NKAIN2: variants seen among roughly 807,000 people sequenced by gnomAD.
The protein encoded by NKAIN2 is sodium/potassium transporting ATPase interacting 2.
Under a neutral mutation model 32.6 loss-of-function variants are expected in NKAIN2, and 14 were observed. That is an observed-to-expected ratio of 0.43 (90% CI 0.28 to 0.67). NKAIN2 has a LOEUF of 0.67. Ranked by LOEUF, NKAIN2 falls within the 30% of genes least tolerant of loss-of-function variation. The pLI is 0.17. For synonymous variants in NKAIN2, 80 were observed against 87.2 expected (o/e 0.92, Z 0.46); for missense variants, 198 against 258.3 (o/e 0.77, Z 1.60).
intron 4 of NKAIN2, among the ~76,000 whole-genome samples, chr6:124,740,481 G>A (rs1297263395): frequency 1.9e-5 from 2 of 106,136 alleles, no homozygotes; most frequent in African/African-American, 6.8e-5. Flanking sequence ...TGTGGTGATA[G>A]GTGCTATGAA....
At chr6:124,672,011 A>G (rs115893962) in intron 4 of NKAIN2, among the ~76,000 whole-genome samples, 1 of 151,956 alleles carries the variant, frequency 6.6e-6, no homozygotes, top group African/African-American at 2.4e-5. Context: ...AGCCCATTTT[A>G]AAAAACAAAA....
At chr6:124,472,911 C>T (rs2114676998) in intron 3 of NKAIN2, among the ~76,000 whole-genome samples, 1 of 151,838 alleles carries the variant, frequency 6.6e-6, no homozygotes, top group Middle Eastern at 3.4e-3. Flanking sequence ...AAATAAAATG[C>T]ATTGAGGTGG....
chr6:124,365,179 C>G (rs1034111732), intron 3 of NKAIN2, among the ~76,000 whole-genome samples: 1 of 151,616 alleles, frequency 6.6e-6, no homozygotes, highest in Non-Finnish European at 1.5e-5. Flanking sequence ...GTGCTATAAT[C>G]TTAAATATAT....
At chr6:123,885,616 A>G (rs1412844444) in intron 1 of NKAIN2, among the ~76,000 whole-genome samples, 1 of 152,056 alleles carries the variant, frequency 6.6e-6, no homozygotes, top group Non-Finnish European at 1.5e-5. Context: ...ATTACCCTAA[A>G]TTTTAAATTT....
intron 3 of NKAIN2, among the ~76,000 whole-genome samples, chr6:124,446,258 A>G (rs776604796): frequency 6.6e-6 from 1 of 152,190 alleles, no homozygotes; most frequent in East Asian, 1.9e-4. Context: ...ATGCTAGTTT[A>G]GGAATTTAGA....
At chr6:124,595,233 G>A (rs1782041407) in intron 3 of NKAIN2, among the ~76,000 whole-genome samples, 2 of 152,160 alleles carry the variant, frequency 1.3e-5, no homozygotes, top group Non-Finnish European at 2.9e-5. Flanking sequence ...TTGCTCAGAT[G>A]TCTTGCCTAG....
At position 124,268,425 on chromosome 6, in the gene NKAIN2, C is replaced by A. The variant is rs1414094414; in HGVS notation, c.55-14580C>A. ...ATAGTAGTATCAGTTGCTTCAGAGA[C>A]AATGTCTTAACTTTTTGCCATTGCC... is the stretch of plus-strand genomic sequence containing the variant. On this transcript the variant is annotated intron_variant, in intron 1 of 6. Coordinates refer to ENST00000368417, the MANE Select transcript of NKAIN2 (RefSeq NM_001040214.3). Among the ~76,000 whole-genome samples the A allele has an allele frequency of 2.6e-5, 4 of 152,162 alleles. No individual in the cohort carries two copies. The East Asian group carries it at 5.8e-4, about 22-fold the overall frequency.
At chr6:124,269,736 G>A (rs560568677) in intron 1 of NKAIN2, among the ~76,000 whole-genome samples, 2 of 151,878 alleles carry the variant, frequency 1.3e-5, no homozygotes, top group Non-Finnish European at 2.9e-5. Flanking sequence ...CCAAAGTGCT[G>A]GAATTACAGG....
chr6:124,310,814 A>T (rs1207358802), intron 2 of NKAIN2, among the ~76,000 whole-genome samples: 2 of 152,148 alleles, frequency 1.3e-5, no homozygotes, highest in Non-Finnish European at 2.9e-5. Flanking sequence ...CCTGAAAGCT[A>T]GAAGTGATAC....
intron 1 of NKAIN2, among the ~76,000 whole-genome samples, chr6:123,913,480 T>C (rs1490510919): frequency 6.6e-6 from 1 of 152,176 alleles, no homozygotes; most frequent in Non-Finnish European, 1.5e-5. Flanking sequence ...CAAAGTGCTT[T>C]ATAGTATTTA....
chr6:124,444,225 A>C (rs1010316186), intron 3 of NKAIN2, among the ~76,000 whole-genome samples: 5 of 152,090 alleles, frequency 3.3e-5, no homozygotes, highest in Non-Finnish European at 7.4e-5. Context: ...TTTGGATTAG[A>C]AAATTGATAG....
chr6:124,429,357 T>C (rs1331492581), intron 3 of NKAIN2, among the ~76,000 whole-genome samples: 1 of 152,168 alleles, frequency 6.6e-6, no homozygotes, highest in East Asian at 1.9e-4. Context: ...CCATATTTTT[T>C]CTTTTTGAAT....
intron 3 of NKAIN2, among the ~76,000 whole-genome samples, chr6:124,494,645 C>T (rs1044824387): frequency 3.9e-5 from 6 of 152,028 alleles, no homozygotes; most frequent in Non-Finnish European, 8.8e-5. Context: ...GGTCAAAATA[C>T]AATGAAGAGA....
chr6:124,223,771 G>A (rs2114705700), intron 1 of NKAIN2, among the ~76,000 whole-genome samples: 1 of 152,224 alleles, frequency 6.6e-6, no homozygotes, highest in East Asian at 1.9e-4. Context: ...CCTATTGAGA[G>A]TTAGTTAGAA....
At chr6:124,360,645 T>A (rs1241837498) in intron 3 of NKAIN2, among the ~76,000 whole-genome samples, 1 of 152,062 alleles carries the variant, frequency 6.6e-6, no homozygotes, top group Non-Finnish European at 1.5e-5. Flanking sequence ...AAATGTTATA[T>A]CATAGTTAAA....
chr6:124,222,210 A>G (rs1449714014), intron 1 of NKAIN2, among the ~76,000 whole-genome samples: 2 of 152,208 alleles, frequency 1.3e-5, no homozygotes, highest in Non-Finnish European at 2.9e-5. Flanking sequence ...TTTCTTACCA[A>G]GAAACATCAG....
At chr6:124,451,037 A>G (rs937154827) in intron 3 of NKAIN2, among the ~76,000 whole-genome samples, 1 of 152,140 alleles carries the variant, frequency 6.6e-6, no homozygotes, top group Non-Finnish European at 1.5e-5. Flanking sequence ...AACCAGAAAT[A>G]GAAAGAATCA....
intron 1 of NKAIN2, among the ~76,000 whole-genome samples, chr6:124,127,064 T>TAG (rs1215614007): frequency 9.2e-5 from 14 of 152,058 alleles, no homozygotes; most frequent in East Asian, 1.9e-4. Flanking sequence ...TACATATATA[T>TAG]ATAGAGAGAG....
At chr6:124,740,760 C>T (rs1777169502) in intron 4 of NKAIN2, among the ~76,000 whole-genome samples, 1 of 151,602 alleles carries the variant, frequency 6.6e-6, no homozygotes, top group South Asian at 2.1e-4. Context: ...AGAGAAGGAG[C>T]ACAGTAGAGA....
Sources: allele counts gnomAD v4.1 joint callset (sites outside exome capture counted in the v4.1 genomes callset), GRCh38; gene constraint gnomAD v4.1.1; transcripts MANE v1.5; gene names NCBI Gene and HGNC (gene_info 2026-07-23, HGNC 2026-07-21).